KCNQ1: variants seen among roughly 807,000 people sequenced by gnomAD.
The protein encoded by KCNQ1 is potassium voltage-gated channel subfamily Q member 1, also known as potassium voltage-gated channel subfamily KQT member 1.
In KCNQ1, 49 loss-of-function variants were observed where a neutral mutation model predicts 72.4. The observed-to-expected ratio is 0.68, with a 90% confidence interval of 0.54 to 0.86. The LOEUF is 0.86. Ranked by LOEUF, KCNQ1 falls within the 40% of genes least tolerant of loss-of-function variation. The pLI, the probability that KCNQ1 is intolerant of heterozygous loss-of-function variation, is 0.00. For synonymous variants in KCNQ1, 450 were observed against 412.6 expected (o/e 1.09, Z -1.10); for missense variants, 790 against 945.1 (o/e 0.84, Z 2.15).
chr11:2,586,927 C>T (rs929496270), intron 8 of KCNQ1, among the ~76,000 whole-genome samples: 5 of 152,162 alleles, frequency 3.3e-5, no homozygotes, highest in East Asian at 1.9e-4. Context: ...GCTCCCCCGC[C>T]GGGTCCCCTG....
At position 2,601,085 on chromosome 11, in the gene KCNQ1, T is replaced by TAAAAA. The variant is rs774725539; in HGVS notation, c.1393+12242_1393+12246dup. 6.0e-4 allele frequency among the ~76,000 whole-genome samples: 84 copies of TAAAAA among 139,108 alleles called. No homozygotes were observed. Among genetic ancestry groups the TAAAAA allele is most frequent in the African/African-American group, 2.1e-3 (80 of 38,558 alleles). The allele number at this position is 139,108 out of a possible 152,430, so 91.3% of individuals were successfully genotyped here. On this transcript the variant is annotated intron_variant, in intron 10 of 15. Coordinates refer to ENST00000155840, the MANE Select transcript of KCNQ1 (RefSeq NM_000218.3). This position sits in a 1 kb window ranked among gnomAD's most constrained non-coding sequence, Gnocchi z 5.2. ...GCCATGCATATACCCTGCTACTTGT[T>TAAAAA]AAAAAAAAAAAAAAAGTCTCTCCAG... is the stretch of plus-strand genomic sequence containing the variant.
In KCNQ1 at chr11:2,769,346, C is replaced by T. The variant is rs186382919; in HGVS notation, c.1590+427C>T. ...CCCCAGACCCCCCAGCCCTGTCCTC[C>T]ACTGGCTCAGTGCTCTCATTCCCTG... is the stretch of plus-strand genomic sequence containing the variant. On this transcript the variant is annotated intron_variant, in intron 12 of 15. Coordinates refer to ENST00000155840, the MANE Select transcript of KCNQ1 (RefSeq NM_000218.3). The surrounding 1 kb of genome is among the most constrained non-coding windows in gnomAD (Gnocchi z 4.6). Among the ~76,000 whole-genome samples the T allele has an allele frequency of 6.6e-6, 1 of 152,194 alleles. No homozygotes were observed. The highest frequency in any genetic ancestry group is 1.5e-5 in the Non-Finnish European group (1 of 68,036).
chr11:2,592,697 C>T lies in KCNQ1; in HGVS notation c.1393+3843C>T, dbSNP rs1396409110. Among the ~76,000 whole-genome samples the T allele has an allele frequency of 6.6e-6, 1 of 152,200 alleles. No individual in the cohort carries two copies. The highest frequency in any genetic ancestry group is 2.4e-5 in the African/African-American group (1 of 41,462). On this transcript the variant is annotated intron_variant, in intron 10 of 15. Transcript: ENST00000155840. This position sits in a 1 kb window ranked among gnomAD's most constrained non-coding sequence, Gnocchi z 5.2. ...CTGGGGACCTGCGAGGATGCGGTGG[C>T]CATTGTCTGTGCCCAGCCTGGGGAG...
intron 10 of KCNQ1, chr11:2,618,954 T>G: frequency 2.5e-6 from 1 of 398,388 alleles, no homozygotes; most frequent in East Asian, 3.6e-5. Context: ...TGGGATTGTT[T>G]TCTTGATTTC....
chr11:2,522,122 C>G (rs1395470955), intron 1 of KCNQ1, among the ~76,000 whole-genome samples: 3 of 152,232 alleles, frequency 2.0e-5, no homozygotes, highest in Non-Finnish European at 4.4e-5. Context: ...CGTCACTGCT[C>G]CTGAGGCCTA....
chr11:2,631,078 A>G (rs1849345075), intron 10 of KCNQ1: 1 of 398,418 alleles, frequency 2.5e-6, no homozygotes, highest in Admixed American at 4.4e-5. Flanking sequence ...ATGGAAACTA[A>G]TTGTAATTCT....
intron 15 of KCNQ1, among the ~76,000 whole-genome samples, chr11:2,792,806 G>A (rs1426129266): frequency 6.6e-6 from 1 of 152,176 alleles, no homozygotes; most frequent in Non-Finnish European, 1.5e-5. Context: ...TCATGGCTTT[G>A]GCAGCATTGT....
Position 2,544,244 on chromosome 11 carries a change from GTGTGTA to G in KCNQ1, c.477+16228_477+16233del, listed in dbSNP as rs1847867044. 1.4e-5 allele frequency among the ~76,000 whole-genome samples: 2 copies of G among 145,896 alleles called. No homozygotes were observed. Among genetic ancestry groups the G allele is most frequent in the Non-Finnish European group, 3.0e-5 (2 of 67,036 alleles). Reference sequence around the variant, plus strand: ...CTATCTCATATATATATATGTGTGTGTGTGTATATATATATGTGTGTGTGTGTATAT... The same window carrying G: ...CTATCTCATATATATATATGTGTGTGTATATATATGTGTGTGTGTGTATAT... On this transcript the variant is annotated intron_variant, in intron 2 of 15. Transcript: ENST00000155840. This position sits in a 1 kb window ranked among gnomAD's most constrained non-coding sequence, Gnocchi z 4.4.
At chr11:2,533,911 C>T (rs772096674) in intron 2 of KCNQ1, among the ~76,000 whole-genome samples, 3 of 152,210 alleles carry the variant, frequency 2.0e-5, no homozygotes, top group Admixed American at 6.5e-5. Context: ...AATTGTCCTG[C>T]AATGCCTGTG....
At chr11:2,689,539 G>A (rs964834579) in intron 11 of KCNQ1, 10 of 398,526 alleles carry the variant, frequency 2.5e-5, no homozygotes, top group African/African-American at 1.6e-4. Context: ...CATGAAGCTT[G>A]CACAGGAAGA....
At chr11:2,791,675 G>A (rs1847026008) in intron 15 of KCNQ1, among the ~76,000 whole-genome samples, 2 of 152,082 alleles carry the variant, frequency 1.3e-5, no homozygotes, top group East Asian at 2.0e-4. Context: ...CCGAGGTTGT[G>A]CGGGGGCTTG....
chr11:2,587,735 C>G (rs565524064), intron 9 of KCNQ1, 43 bp downstream of exon 9: 1 of 1,612,886 alleles, frequency 6.2e-7, no homozygotes, highest in African/African-American at 1.3e-5. Flanking sequence ...TTCTTGCTAG[C>G]AGGTGGGGAG....
intron 15 of KCNQ1, among the ~76,000 whole-genome samples, chr11:2,838,137 C>T (rs749622652): frequency 4.6e-5 from 7 of 152,210 alleles, no homozygotes; most frequent in Non-Finnish European, 8.8e-5. Flanking sequence ...GGAAGGGGAC[C>T]TACTTCTGAG....
intron 15 of KCNQ1, among the ~76,000 whole-genome samples, chr11:2,834,995 C>T (rs1848030823): frequency 6.6e-6 from 1 of 152,126 alleles, no homozygotes; most frequent in Non-Finnish European, 1.5e-5. Context: ...AACCTGGCCC[C>T]AGCCTCAGGG....
At chr11:2,733,566 C>T (rs1845887485) in intron 11 of KCNQ1, among the ~76,000 whole-genome samples, 1 of 151,972 alleles carries the variant, frequency 6.6e-6, no homozygotes, top group Non-Finnish European at 1.5e-5. Flanking sequence ...AGCAGGGGAC[C>T]CCCGAGGTTG....
rs974690048 is a variant in KCNQ1 at position 2,825,734 on chromosome 11, C to A, written c.1795-22033C>A. On this transcript the variant is annotated intron_variant, in intron 15 of 15. Coordinates refer to ENST00000155840, the MANE Select transcript of KCNQ1 (RefSeq NM_000218.3). Reference sequence around the variant, plus strand: ...CTGCGCGGGGGCAGCTCTCCCAAAGCAGTCAGTCATTCACACTTCAGTATG... The same window carrying A: ...CTGCGCGGGGGCAGCTCTCCCAAAGAAGTCAGTCATTCACACTTCAGTATG... Among the ~76,000 whole-genome samples the A allele has an allele frequency of 3.3e-5, 5 of 152,322 alleles. No individual in the cohort carries two copies. In the East Asian group the frequency reaches 9.7e-4, roughly 29 times the overall value.
chr11:2,579,942 C>A lies in KCNQ1; in HGVS notation c.922-3493C>A, dbSNP rs1414412951. ...TCACCTGACCCCAACTCCACTCTGA[C>A]TTCCAGGCCAGCCCCACTCCATTCC... On this transcript the variant is annotated intron_variant, in intron 6 of 15. Coordinates refer to ENST00000155840, the MANE Select transcript of KCNQ1 (RefSeq NM_000218.3). This position sits in a 1 kb window ranked among gnomAD's most constrained non-coding sequence, Gnocchi z 6.0. Among the ~76,000 whole-genome samples the A allele has an allele frequency of 6.6e-6, 1 of 152,208 alleles. No individual in the cohort carries two copies. The highest frequency in any genetic ancestry group is 2.4e-5 in the African/African-American group (1 of 41,452).
chr11:2,619,677 C>T, intron 10 of KCNQ1: 3 of 395,594 alleles, frequency 7.6e-6, no homozygotes, highest in Non-Finnish European at 1.3e-5. Context: ...ATGCTGGCCT[C>T]ATAAAATGTG....
At chr11:2,792,202 G>A (rs1287393071) in intron 15 of KCNQ1, among the ~76,000 whole-genome samples, 1 of 152,154 alleles carries the variant, frequency 6.6e-6, no homozygotes, top group African/African-American at 2.4e-5. Flanking sequence ...CCAGAGCAGC[G>A]TGGGCCTGAA....
Sources: allele counts gnomAD v4.1 joint callset (sites outside exome capture counted in the v4.1 genomes callset), GRCh38; gene constraint gnomAD v4.1.1; non-coding constraint Gnocchi (gnomAD v3.1); transcripts MANE v1.5; gene names NCBI Gene and HGNC (gene_info 2026-07-23, HGNC 2026-07-21).